Variants in SORT1 observed in about 807,000 individuals in gnomAD.
SORT1 encodes sortilin.
Under a neutral mutation model 101.7 loss-of-function variants are expected in SORT1, and 39 were observed. That is an observed-to-expected ratio of 0.38 (90% CI 0.30 to 0.50). The LOEUF is 0.50. Among genes scored for constraint, SORT1 ranks in the 20% least tolerant of loss-of-function variants. SORT1 has a pLI of 0.90. For missense variants in SORT1, 878 were observed against 1,040.4 expected (o/e 0.84, Z 2.15); for synonymous variants, 396 against 393.7 (o/e 1.01, Z -0.07).
At chr1:109,324,122 C>G (rs1647823510) in intron 14 of SORT1, among the ~76,000 whole-genome samples, 1 of 96,148 alleles carries the variant, frequency 1.0e-5, no homozygotes. Context: ...CAGTGTTTTT[C>G]TTTATCCCCC....
chr1:109,361,894 G>A (rs929004609), intron 3 of SORT1, among the ~76,000 whole-genome samples: 2 of 152,132 alleles, frequency 1.3e-5, no homozygotes, highest in Admixed American at 6.5e-5. Flanking sequence ...TTGCCTTTGT[G>A]TTCAGTTCTA....
intron 8 of SORT1, among the ~76,000 whole-genome samples, chr1:109,343,949 C>G (rs1241643730): frequency 6.6e-6 from 1 of 152,166 alleles, no homozygotes; most frequent in Non-Finnish European, 1.5e-5. Flanking sequence ...CATGCTCGGC[C>G]CAAAACAGAA....
intron 1 of SORT1, among the ~76,000 whole-genome samples, chr1:109,373,695 A>G (rs1399166085): frequency 1.3e-5 from 2 of 152,258 alleles, no homozygotes; most frequent in East Asian, 1.9e-4. Context: ...ACTGTTTCCA[A>G]GTAACCAGTG....
chr1:109,395,375 C>T (rs971078548), intron 1 of SORT1, among the ~76,000 whole-genome samples: 4 of 151,700 alleles, frequency 2.6e-5, no homozygotes, highest in African/African-American at 2.4e-5. Flanking sequence ...CGCATGCCAC[C>T]GCGTCTGGCT....
intron 5 of SORT1, among the ~76,000 whole-genome samples, chr1:109,352,714 G>A (rs977574782): frequency 1.3e-5 from 2 of 152,102 alleles, no homozygotes; most frequent in Admixed American, 6.5e-5. Context: ...CCACTGATTT[G>A]CACTTTAGTA....
intron 3 of SORT1, among the ~76,000 whole-genome samples, chr1:109,364,317 G>A (rs1650940028): frequency 6.6e-6 from 1 of 152,110 alleles, no homozygotes; most frequent in South Asian, 2.1e-4. Context: ...AGTTGTTGAG[G>A]CATTAGGTAT....
intron 1 of SORT1, among the ~76,000 whole-genome samples, chr1:109,387,485 C>T (rs1357998163): frequency 6.6e-6 from 1 of 151,942 alleles, no homozygotes; most frequent in Non-Finnish European, 1.5e-5. Flanking sequence ...ACAGTAAAGA[C>T]CATGTCTCTT....
intron 1 of SORT1, among the ~76,000 whole-genome samples, chr1:109,375,540 T>TAAAAAAAAAAAAA (rs1570972497): frequency 4.0e-4 from 1 of 2,484 alleles, no homozygotes. Flanking sequence ...AGACTCCGTT[T>TAAAAAAAAAAAAA]CAAAAAAAAA....
intron 13 of SORT1, chr1:109,326,720 T>A (rs943552849): frequency 1.3e-5 from 3 of 237,244 alleles, no homozygotes; most frequent in African/African-American, 6.8e-5. Flanking sequence ...CCTCCCAAAA[T>A]GCTGGGATTA....
chr1:109,386,764 G>T (rs973210075), intron 1 of SORT1, among the ~76,000 whole-genome samples: 2 of 152,118 alleles, frequency 1.3e-5, no homozygotes, highest in African/African-American at 4.8e-5. Context: ...ATTCTGGTCC[G>T]CTATTCTTTC....
At chr1:109,325,895 G>C (rs936660510) in intron 13 of SORT1, among the ~76,000 whole-genome samples, 1 of 152,048 alleles carries the variant, frequency 6.6e-6, no homozygotes, top group East Asian at 1.9e-4. Flanking sequence ...CAGCTGCTCA[G>C]GTGACTGAGA....
At chr1:109,352,672 T>C (rs555944659) in intron 5 of SORT1, among the ~76,000 whole-genome samples, 12 of 152,332 alleles carry the variant, frequency 7.9e-5, no homozygotes, top group African/African-American at 2.9e-4. Flanking sequence ...ATTTACCTAA[T>C]TCTACTTATA....
intron 4 of SORT1, among the ~76,000 whole-genome samples, chr1:109,355,145 TG>T (rs1650222675): frequency 6.6e-6 from 1 of 152,092 alleles, no homozygotes. Context: ...CCCTTGAGCC[TG>T]GAAGGTCAAG....
At chr1:109,389,203 C>T (rs944655503) in intron 1 of SORT1, among the ~76,000 whole-genome samples, 1 of 152,226 alleles carries the variant, frequency 6.6e-6, no homozygotes, top group Non-Finnish European at 1.5e-5. Flanking sequence ...ACAAATCATA[C>T]TCATACGGTA....
intron 1 of SORT1, among the ~76,000 whole-genome samples, chr1:109,374,244 A>C (rs1349681731): frequency 6.6e-6 from 1 of 152,176 alleles, no homozygotes; most frequent in Non-Finnish European, 1.5e-5. Context: ...TAGAGAATGG[A>C]TTGAGAATGT....
intron 11 of SORT1, among the ~76,000 whole-genome samples, chr1:109,332,037 CAAA>C (rs36009375): frequency 9.8e-5 from 13 of 132,674 alleles, no homozygotes; most frequent in Admixed American, 1.5e-4. Context: ...TTGAAGATGA[CAAA>C]AAAAAAAAAA....
chr1:109,367,189 T>C (rs1651150794), intron 3 of SORT1: 1 of 388,644 alleles, frequency 2.6e-6, no homozygotes, highest in Non-Finnish European at 4.6e-6. Flanking sequence ...ATGACGCCAC[T>C]GCACTCCAGC....
At position 109,355,349 on chromosome 1, in the gene SORT1, T is replaced by C. The variant is rs369882337; in HGVS notation, c.543+18A>G. Reference sequence around the variant, plus strand: ...TGGTATCAAGCACAAGCTTTATGTATACAAGAATGAGTCTCACCTTTCCAG... The same window carrying C: ...TGGTATCAAGCACAAGCTTTATGTACACAAGAATGAGTCTCACCTTTCCAG... On this transcript the variant is annotated intron_variant, in intron 4 of 19. Transcript: ENST00000256637. 33 of 1,280,194 alleles carry C rather than the reference T, an allele frequency of 2.6e-5. No homozygotes were observed. In the South Asian group the frequency reaches 3.7e-4, roughly 14 times the overall value. The allele number at this position is 1,280,194 out of a possible 1,614,324, so 79.3% of individuals were successfully genotyped here. A position where few individuals can be genotyped will look rare whatever the true frequency, so the allele number is the denominator to read the frequency against.
At chr1:109,328,618 C>G (rs1389259136) in intron 11 of SORT1, among the ~76,000 whole-genome samples, 1 of 152,168 alleles carries the variant, frequency 6.6e-6, no homozygotes, top group African/African-American at 2.4e-5. Context: ...ACTCTTGATT[C>G]TGAAATGTAC....
Sources: allele counts gnomAD v4.1 joint callset (sites outside exome capture counted in the v4.1 genomes callset), GRCh38; gene constraint gnomAD v4.1.1; transcripts MANE v1.5; gene names NCBI Gene and HGNC (gene_info 2026-07-23, HGNC 2026-07-21).